GRID2: variants seen among roughly 807,000 people sequenced by gnomAD.
The protein encoded by GRID2 is glutamate ionotropic receptor delta type subunit 2.
GRID2 carries 33 observed loss-of-function variants against 114.8 expected under a neutral mutation model. The ratio of observed to expected loss-of-function variants is 0.29; its 90% confidence interval spans 0.22 to 0.38. The LOEUF (loss-of-function observed/expected upper bound fraction) is 0.38, where lower values mean the gene tolerates loss of function less well. Among genes scored for constraint, GRID2 ranks in the 10% least tolerant of loss-of-function variants. GRID2 has a pLI of 1.00. For missense variants in GRID2, 1,184 were observed against 1,257.7 expected, an observed-to-expected ratio of 0.94 and a Z score of 0.89; for synonymous variants, 505 against 449.9, an observed-to-expected ratio of 1.12 and a Z score of -1.55.
intron 1 of GRID2, among the ~76,000 whole-genome samples, chr4:92,436,970 T>C (rs2110350815): frequency 6.6e-6 from 1 of 152,306 alleles, no homozygotes; most frequent in Admixed American, 6.5e-5. Context: ...TTAGCAAGTT[T>C]GATTTAGCTG....
intron 13 of GRID2, among the ~76,000 whole-genome samples, chr4:93,530,768 T>C (rs1231227401): frequency 6.6e-6 from 1 of 152,180 alleles, no homozygotes; most frequent in Non-Finnish European, 1.5e-5. Context: ...AGCATTGAGC[T>C]TGATTCTTAA....
chr4:92,459,976 A>C (rs1464174240), intron 1 of GRID2, among the ~76,000 whole-genome samples: 1 of 139,734 alleles, frequency 7.2e-6, no homozygotes, highest in Non-Finnish European at 1.5e-5. Flanking sequence ...CCTGCCCTGC[A>C]CTCTGGACTT....
chr4:92,305,050 G>A (rs533103778), intron 1 of GRID2, among the ~76,000 whole-genome samples: 2 of 152,206 alleles, frequency 1.3e-5, no homozygotes, highest in African/African-American at 4.8e-5. Flanking sequence ...AAGTGTGTGG[G>A]GAAAGGGAGT....
At chr4:92,927,927 A>G (rs1012402713) in intron 2 of GRID2, among the ~76,000 whole-genome samples, 1 of 151,696 alleles carries the variant, frequency 6.6e-6, no homozygotes, top group Non-Finnish European at 1.5e-5. Flanking sequence ...AAAATCCAAA[A>G]TCCAAAATGC....
chr4:92,476,047 G>A (rs934296770), intron 1 of GRID2, among the ~76,000 whole-genome samples: 28 of 125,102 alleles, frequency 2.2e-4, no homozygotes, highest in African/African-American at 8.1e-4. Context: ...TTTTTGTGAC[G>A]GAGTCTCTAC....
chr4:93,754,290 T>A (rs2110292052), intron 14 of GRID2, among the ~76,000 whole-genome samples: 1 of 152,292 alleles, frequency 6.6e-6, no homozygotes. Flanking sequence ...TGGGTCACAG[T>A]ACAAGTCCTC....
intron 1 of GRID2, among the ~76,000 whole-genome samples, chr4:92,441,721 TG>T (rs1344818745): frequency 6.6e-5 from 10 of 151,412 alleles, no homozygotes; most frequent in Admixed American, 4.6e-4. Context: ...TGGCATTGAG[TG>T]GGGTAAGGGT....
chr4:93,807,307 G>C lies in GRID2; in HGVS notation c.*434G>C, dbSNP rs2110372782. 2.6e-5 allele frequency: 4 copies of C among 152,316 alleles called. No homozygotes were observed. The Middle Eastern group carries it at 0.014, about 518-fold the overall frequency. The allele number at this position is 152,316 out of a possible 1,614,324, so 9.4% of individuals were successfully genotyped here. On this transcript the variant is annotated 3_prime_UTR_variant, in exon 2 of 2. Transcript: ENST00000637838. The stretch of plus-strand genomic sequence containing the variant: ...GATCTAGGGAGACATGAAGGACCAA[G>C]GAGAATGGCAGAACTTAACCAGAAA...
At chr4:92,530,471 G>A (rs543021497) in intron 1 of GRID2, among the ~76,000 whole-genome samples, 96 of 128,534 alleles carry the variant, frequency 7.5e-4, no homozygotes, top group Non-Finnish European at 1.3e-3. Flanking sequence ...AGTGGAAAAA[G>A]TCAACCACTA....
chr4:92,333,033 C>CAG (rs1726975507), intron 1 of GRID2, among the ~76,000 whole-genome samples: 1 of 152,192 alleles, frequency 6.6e-6, no homozygotes, highest in Non-Finnish European at 1.5e-5. Flanking sequence ...GGCAGCCCTG[C>CAG]CTCCCATGGC....
At chr4:93,093,354 G>A (rs565445760) in intron 3 of GRID2, among the ~76,000 whole-genome samples, 1 of 151,950 alleles carries the variant, frequency 6.6e-6, no homozygotes, top group Non-Finnish European at 1.5e-5. Context: ...TCTAGGAGGG[G>A]CTTCTTCTCT....
chr4:93,674,141 G>T (rs1172621053), intron 14 of GRID2, among the ~76,000 whole-genome samples: 1 of 152,066 alleles, frequency 6.6e-6, no homozygotes, highest in African/African-American at 2.4e-5. Context: ...TTGCTGCTAG[G>T]TGTTATACTC....
At chr4:92,381,672 A>C (rs1044335391) in intron 1 of GRID2, among the ~76,000 whole-genome samples, 1 of 152,048 alleles carries the variant, frequency 6.6e-6, no homozygotes, top group Admixed American at 6.6e-5. Flanking sequence ...AGAATTAACC[A>C]TCACCATATG....
intron 14 of GRID2, among the ~76,000 whole-genome samples, chr4:93,677,577 A>G (rs1287366914): frequency 2.0e-5 from 3 of 152,128 alleles, no homozygotes; most frequent in African/African-American, 7.2e-5. Context: ...CTCCTCTGAG[A>G]CAAAACTTCC....
Position 92,537,784 on chromosome 4 carries a change from GGTGTGTGTGTGTGTGT to G in GRID2, c.89-52316_89-52301del, listed in dbSNP as rs70942907. 6.3e-3 allele frequency among the ~76,000 whole-genome samples: 794 copies of G among 126,006 alleles called. 7 individuals are homozygous for G. Among genetic ancestry groups the G allele is most frequent in the African/African-American group, 0.019 (694 of 36,054 alleles). 82.7% of individuals were successfully genotyped at this position (126,006 alleles called of 152,430 possible). A position where few individuals can be genotyped will look rare whatever the true frequency, so the allele number is the denominator to read the frequency against. Reference sequence around the variant, plus strand: ...AGTGATCTGCTTTCCAAAAACTTGCGGTGTGTGTGTGTGTGTGTGTGTGTGTGTGTGTGTGTGTGTG... The same window carrying G: ...AGTGATCTGCTTTCCAAAAACTTGCGGTGTGTGTGTGTGTGTGTGTGTGTG... On this transcript the variant is annotated intron_variant, in intron 1 of 15. Transcript: ENST00000282020.
chr4:92,323,525 T>C (rs557129801), intron 1 of GRID2, among the ~76,000 whole-genome samples: 71 of 152,220 alleles, frequency 4.7e-4, no homozygotes, highest in African/African-American at 1.6e-3. Context: ...GTAGCCTGCA[T>C]TGGTCTCTTC....
chr4:92,422,655 C>T (rs940845591), intron 1 of GRID2, among the ~76,000 whole-genome samples: 5 of 152,026 alleles, frequency 3.3e-5, no homozygotes, highest in African/African-American at 1.2e-4. Context: ...TGGGTGGTGC[C>T]AGCTAATCCA....
At chr4:92,438,211 G>A (rs1161673457) in intron 1 of GRID2, among the ~76,000 whole-genome samples, 1 of 151,496 alleles carries the variant, frequency 6.6e-6, no homozygotes, top group African/African-American at 2.4e-5. Flanking sequence ...TTAATATCAG[G>A]ATACAATTTA....
rs1373386820 is a variant in GRID2 at position 92,439,763 on chromosome 4, G to A, written c.88+135019G>A. 1.4e-5 allele frequency among the ~76,000 whole-genome samples: 2 copies of A among 146,070 alleles called. 1 individual carries two copies. The highest frequency in any genetic ancestry group is 3.1e-5 in the Non-Finnish European group (2 of 64,666). Reference sequence around the variant, plus strand: ...GACTCAGGACATCTGATGAGAGAGTGCCTAAGGAGATTCAGCATAGTCCTG... The same window carrying A: ...GACTCAGGACATCTGATGAGAGAGTACCTAAGGAGATTCAGCATAGTCCTG... On this transcript the variant is annotated intron_variant, in intron 1 of 15. Transcript: ENST00000282020.
Sources: gnomAD v4.1 joint callset for allele counts (sites outside exome capture counted in the v4.1 genomes callset) on GRCh38, gnomAD v4.1.1 for gene constraint, MANE v1.5 for transcripts, NCBI Gene and HGNC (gene_info 2026-07-23, HGNC 2026-07-21) for gene names.